Variants in CHD6 observed in about 807,000 individuals in gnomAD.
The protein encoded by CHD6 is ATP-dependent chromatin remodeler CHD6.
Under a neutral mutation model 276.9 loss-of-function variants are expected in CHD6, and 50 were observed. The observed-to-expected ratio is 0.18, with a 90% confidence interval of 0.14 to 0.23. CHD6 has a LOEUF of 0.23. CHD6 is among the 10% of genes least tolerant of loss of function. The pLI, the probability that CHD6 is intolerant of heterozygous loss-of-function variation, is 1.00. For missense variants in CHD6, 2,564 were observed against 3,365.8 expected (o/e 0.76, Z 5.89); for synonymous variants, 1,173 against 1,229.3 (o/e 0.95, Z 0.96).
chr20:41,425,088 A>AT, intron 29 of CHD6, 90 bp downstream of exon 29: 1 of 974,394 alleles, frequency 1.0e-6, no homozygotes, highest in Non-Finnish European at 1.6e-6. Context: ...GAGAACAGAA[A>AT]TATACTCGCC....
At chr20:41,499,154 G>C (rs1403091863) in intron 6 of CHD6, 141 bp downstream of exon 6, 4 of 580,232 alleles carry the variant, frequency 6.9e-6, no homozygotes, top group Non-Finnish European at 1.2e-5. Context: ...GTAAAAATAA[G>C]TGTTGGCTAG....
intron 30 of CHD6, 43 bp downstream of exon 30, chr20:41,423,449 T>C: frequency 1.3e-6 from 2 of 1,566,588 alleles, no homozygotes; most frequent in Non-Finnish European, 8.8e-7. Flanking sequence ...ATCAGAATGT[T>C]CTTTCCTTGT....
At chr20:41,512,358 A>C (rs912308669) in intron 5 of CHD6, among the ~76,000 whole-genome samples, 56 of 152,088 alleles carry the variant, frequency 3.7e-4, no homozygotes, top group Non-Finnish European at 7.4e-5. Context: ...TGCTTTAAGG[A>C]AGTACACAAG....
At chr20:41,467,808 TAA>T (rs11470704) in intron 17 of CHD6, among the ~76,000 whole-genome samples, 45,038 of 137,802 alleles carry the variant, frequency 0.33, 7,052 homozygotes, top group East Asian at 0.4. Flanking sequence ...AGAAAGGAGT[TAA>T]AAAAAAAAAA....
chr20:41,615,907 C>G (rs1196620028), intron 1 of CHD6, among the ~76,000 whole-genome samples: 1 of 152,220 alleles, frequency 6.6e-6, no homozygotes, highest in African/African-American at 2.4e-5. Context: ...TTCTTCAAAA[C>G]TTTTATAAAC....
rs753815098 is a variant in CHD6, at chr20:41,415,293, T to C, written c.6832A>G (p.Arg2278Gly). The C allele has an allele frequency of 1.9e-6, 3 of 1,614,234 alleles. No homozygotes were observed. Among genetic ancestry groups the C allele is most frequent in the Admixed American group, 1.7e-5 (1 of 60,030 alleles). ...CTCCTCGTGGCTGCATCATCTCTTC[T>C]GAGGCTTCCATTGACAATCTGTCCA... ...VTGQIVNGSLRRDDAATRRRR... is the reference protein window; with the variant it reads ...VTGQIVNGSLGRDDAATRRRR... Residue 2278 changes from arginine (R) to glycine (G), a missense_variant, in exon 34 of 37, where the codon AGA (arginine) becomes GGA (glycine). Arg to Gly is a moderately radical substitution (Grantham distance 125). Around this residue, in one of 7 missense-constraint regions of CHD6, gnomAD observed 1,024 missense variants for 1,047.9 expected, o/e 0.98. Coordinates refer to ENST00000373233, the MANE Select transcript of CHD6 (RefSeq NM_032221.5).
At chr20:41,471,956 G>A (rs1051525050) in intron 17 of CHD6, among the ~76,000 whole-genome samples, 1 of 152,120 alleles carries the variant, frequency 6.6e-6, no homozygotes. Context: ...ACAAAGGGCC[G>A]GGTGCAGTGG....
At position 41,413,306 on chromosome 20, in the gene CHD6, G is replaced by A. The variant is rs757975240; in HGVS notation, c.7131+18C>T. ...AGGAAGTAAACAGTGATCTCAGGCA[G>A]TACCAACAAACACTTACTGCCCCAA... On this transcript the variant is annotated intron_variant, in intron 35 of 36. Transcript: ENST00000373233. The A allele has an allele frequency of 3.8e-5, 59 of 1,560,842 alleles. No homozygotes were observed. The highest frequency in any genetic ancestry group is 4.9e-5 in the Non-Finnish European group (56 of 1,150,542).
chr20:41,457,629 T>C (rs1356019237), intron 17 of CHD6, among the ~76,000 whole-genome samples: 1 of 152,218 alleles, frequency 6.6e-6, no homozygotes, highest in African/African-American at 2.4e-5. Flanking sequence ...TCCCATTGTG[T>C]ACTGACTACT....
chr20:41,551,894 T>C (rs2045152796), intron 1 of CHD6, among the ~76,000 whole-genome samples: 1 of 152,158 alleles, frequency 6.6e-6, no homozygotes, highest in Non-Finnish European at 1.5e-5. Flanking sequence ...AAAAAACAAT[T>C]CCATTGCAAT....
rs566464222 is a variant in CHD6 at position 41,413,217 on chromosome 20, C to T, written c.7131+107G>A. On this transcript the variant is annotated intron_variant, in intron 35 of 36. Transcript: ENST00000373233. ...ATGTTGTCAGCTGACAGATTTCTCC[C>T]AAACAGCTCCCAACTTCCTGGTTGC... The T allele has an allele frequency of 8.3e-6, 7 of 847,252 alleles. No homozygotes were observed. In the African/African-American group the frequency reaches 1.0e-4, roughly 13 times the overall value. The allele number at this position is 847,252 out of a possible 1,614,324, so 52.5% of individuals were successfully genotyped here.
At chr20:41,446,907 G>T (rs942018390) in intron 24 of CHD6, among the ~76,000 whole-genome samples, 2 of 152,212 alleles carry the variant, frequency 1.3e-5, no homozygotes, top group Non-Finnish European at 2.9e-5. Context: ...CATGACAGCG[G>T]TAAGTTCAGA....
intron 33 of CHD6, 93 bp downstream of exon 33, chr20:41,416,495 C>T: frequency 8.2e-7 from 1 of 1,220,294 alleles, no homozygotes; most frequent in South Asian, 1.5e-5. Context: ...CCTATCCACT[C>T]AGTAAATACT....
intron 5 of CHD6, among the ~76,000 whole-genome samples, chr20:41,511,551 C>G (rs2044119507): frequency 6.6e-6 from 1 of 152,192 alleles, no homozygotes. Context: ...ACTCCTCTGC[C>G]TGAACTCATC....
At chr20:41,553,759 C>G (rs577627149) in intron 1 of CHD6, among the ~76,000 whole-genome samples, 1 of 152,362 alleles carries the variant, frequency 6.6e-6, no homozygotes, top group East Asian at 1.9e-4. Context: ...TGTCTCCGTG[C>G]TGACTTTTCT....
intron 3 of CHD6, among the ~76,000 whole-genome samples, chr20:41,521,812 A>G (rs2044405020): frequency 6.6e-6 from 1 of 152,200 alleles, no homozygotes; most frequent in Non-Finnish European, 1.5e-5. Flanking sequence ...GGGTGTTTAG[A>G]AAAATAAACA....
In CHD6 at chr20:41,404,531, TAACAAAC is replaced by T; in HGVS notation, c.*55_*61del. The T allele has an allele frequency of 6.9e-7, 1 of 1,449,124 alleles. No individual in the cohort carries two copies. Among genetic ancestry groups the T allele is most frequent in the Non-Finnish European group, 9.1e-7 (1 of 1,098,910 alleles). The allele number at this position is 1,449,124 out of a possible 1,614,324, so 89.8% of individuals were successfully genotyped here. A position where few individuals can be genotyped will look rare whatever the true frequency, so the allele number is the denominator to read the frequency against. Reference sequence around the variant, plus strand: ...TCTTATGGAGGTGAAGTGAGGGAAGTAACAAACCTTTATGGGATAAGAAACTTACAAG... The same window carrying T: ...TCTTATGGAGGTGAAGTGAGGGAAGTCTTTATGGGATAAGAAACTTACAAG... On this transcript the variant is annotated 3_prime_UTR_variant, in exon 37 of 37. Transcript: ENST00000373233.
Position 41,588,663 on chromosome 20 carries a change from A to C in CHD6, c.-24+29677T>G, listed in dbSNP as rs151102368. Among the ~76,000 whole-genome samples, 554 of 152,290 alleles carry C rather than the reference A, an allele frequency of 3.6e-3. 2 individuals carry two copies. Among genetic ancestry groups the C allele is most frequent in the Non-Finnish European group, 6.5e-3 (444 of 68,028 alleles). On this transcript the variant is annotated intron_variant, in intron 1 of 36. Coordinates refer to ENST00000373233, the MANE Select transcript of CHD6 (RefSeq NM_032221.5). ...CTACACTACTCCACACCACTTCTCTAAGCTAGTTAGGCCTAAATCTTTGTA... is the reference window on the plus strand; with the variant it reads ...CTACACTACTCCACACCACTTCTCTCAGCTAGTTAGGCCTAAATCTTTGTA...
At chr20:41,544,345 G>C (rs1272467353) in intron 2 of CHD6, among the ~76,000 whole-genome samples, 1 of 152,120 alleles carries the variant, frequency 6.6e-6, no homozygotes, top group Non-Finnish European at 1.5e-5. Flanking sequence ...TCATCACTTT[G>C]AAGCTGCTTC....
Sources: gnomAD v4.1 joint callset for allele counts (sites outside exome capture counted in the v4.1 genomes callset) on GRCh38, gnomAD v4.1.1 for gene constraint, gnomAD v4.1.1 regional missense constraint, MANE v1.5 for transcripts, NCBI Gene and HGNC (gene_info 2026-07-23, HGNC 2026-07-21) for gene names.